CPEB2: variants seen among roughly 807,000 people sequenced by gnomAD.
CPEB2 encodes cytoplasmic polyadenylation element-binding protein 2.
In CPEB2, 56 loss-of-function variants were observed where a neutral mutation model predicts 93.6. The observed-to-expected ratio is 0.60, with a 90% CI of 0.48 to 0.75. The LOEUF (loss-of-function observed/expected upper bound fraction) is 0.75. CPEB2 is among the 30% of genes least tolerant of loss of function. The probability of loss-of-function intolerance (pLI) is 0.00; values close to 1 mark genes in which losing one functional copy is unlikely to be tolerated. For missense variants in CPEB2, 1,579 were observed against 1,395.1 expected (o/e 1.13, Z -2.10); for synonymous variants, 764 against 586.3 (o/e 1.30, Z -4.38).
Position 15,026,366 on chromosome 4 carries a change from A to G in CPEB2, c.2126-6795A>G, listed in dbSNP as rs546497880. Among the ~76,000 whole-genome samples, 3 of 152,068 alleles carry G rather than the reference A, an allele frequency of 2.0e-5. No homozygotes were observed. The East Asian group carries it at 5.8e-4, about 29-fold the overall frequency. Reference sequence around the variant, plus strand: ...CTCAGCTTCCCAAGTAACTGGGACTAGAAGCACATGCCACCACACCCGGCT... The same window carrying G: ...CTCAGCTTCCCAAGTAACTGGGACTGGAAGCACATGCCACCACACCCGGCT... On this transcript the variant is annotated intron_variant, in intron 4 of 11. Transcript: ENST00000538197.
At chr4:15,059,769 C>G (rs1224317473) in intron 10 of CPEB2, among the ~76,000 whole-genome samples, 1 of 151,904 alleles carries the variant, frequency 6.6e-6, no homozygotes, top group Admixed American at 6.6e-5. Flanking sequence ...AAAAACCTAC[C>G]AAAATATGTC....
chr4:15,035,385 A>G (rs1269859408), intron 5 of CPEB2, among the ~76,000 whole-genome samples: 2 of 152,140 alleles, frequency 1.3e-5, no homozygotes, highest in South Asian at 4.1e-4. Flanking sequence ...AGAGATTAGC[A>G]TACTGCCTGA....
Position 15,063,329 on chromosome 4 carries a change from G to GTT in CPEB2, c.2877+1076_2877+1077dup, listed in dbSNP as rs141139959. Among the ~76,000 whole-genome samples, 635 of 150,090 alleles carry GTT rather than the reference G, an allele frequency of 4.2e-3. 3 individuals carry two copies. The highest frequency in any genetic ancestry group is 0.015 in the African/African-American group (612 of 40,424). ...GGTTCAGTTCACAAATGCAGAGTAG[G>GTT]TTTTTTTTGTTTGTTTGCATTGCTA... On this transcript the variant is annotated intron_variant, in intron 11 of 11. Transcript: ENST00000538197.
Position 15,006,923 on chromosome 4 carries a change from G to A in CPEB2, c.1663-382G>A, listed in dbSNP as rs2951814. ...GACCATATTTTTAGTTGTGTGCCTA[G>A]CATAATTAATATGGTTGCTTTAAGA... On this transcript the variant is annotated intron_variant, in intron 1 of 11. Coordinates refer to ENST00000538197, the MANE Select transcript of CPEB2 (RefSeq NM_001177382.2). 7.7e-3 allele frequency among the ~76,000 whole-genome samples: 1,175 copies of A among 152,210 alleles called. 15 individuals carry two copies. Among genetic ancestry groups the A allele is most frequent in the African/African-American group, 0.027 (1,113 of 41,560 alleles).
Position 15,069,583 on chromosome 4 carries a change from T to C in CPEB2, c.*3203T>C, listed in dbSNP as rs1255379118. 1 of 152,180 alleles carries C rather than the reference T, an allele frequency of 6.6e-6. No individual in the cohort carries two copies. The highest frequency in any genetic ancestry group is 1.5e-5 in the Non-Finnish European group (1 of 67,822). 9.4% of individuals were successfully genotyped at this position (152,180 alleles called of 1,614,324 possible). On this transcript the variant is annotated 3_prime_UTR_variant, in exon 12 of 12. Coordinates refer to ENST00000538197, the MANE Select transcript of CPEB2 (RefSeq NM_001177382.2). ...ATATTTCTATTTTGTTTTTTTGGGT[T>C]TTATTTTATTTTAATAGTAGTAAAA...
chr4:15,007,037 G>A (rs1161154637), intron 1 of CPEB2, among the ~76,000 whole-genome samples: 1 of 151,896 alleles, frequency 6.6e-6, no homozygotes, highest in African/African-American at 2.4e-5. Flanking sequence ...ATCTCTGAAG[G>A]ATAAAAAGGA....
chr4:15,002,953 C>A lies in CPEB2; in HGVS notation c.280C>A (p.Gln94Lys). 6.6e-7 allele frequency: 1 copy of A among 1,515,682 alleles called. No individual in the cohort carries two copies. Among genetic ancestry groups the A allele is most frequent in the East Asian group, 2.5e-5 (1 of 40,522 alleles). 93.9% of individuals were successfully genotyped at this position (1,515,682 alleles called of 1,614,324 possible). A position where few individuals can be genotyped will look rare whatever the true frequency, so the allele number is the denominator to read the frequency against. Reference protein sequence around the residue: ...SPFLAHQQTMQDELLLGLTQQ... With the variant: ...SPFLAHQQTMKDELLLGLTQQ... ...GTTCCTGGCGCATCAGCAGACCATG[C>A]AGGATGAGCTGCTTCTGGGGCTGAC... The change falls in exon 1 of 12, where the codon CAG becomes AAG. Residue 94 changes from glutamine to lysine, a missense_variant. Coordinates refer to ENST00000538197, the MANE Select transcript of CPEB2 (RefSeq NM_001177382.2).
Position 15,003,300 on chromosome 4 carries a change from C to T in CPEB2, c.627C>T (p.Ser209=). 1 of 1,438,166 alleles carries T rather than the reference C, an allele frequency of 7.0e-7. No homozygotes were observed. Among genetic ancestry groups the T allele is most frequent in the Non-Finnish European group, 9.0e-7 (1 of 1,109,552 alleles). 89.1% of individuals were successfully genotyped at this position (1,438,166 alleles called of 1,614,324 possible). The change falls in exon 1 of 12, where the codon AGC becomes AGT. Residue 209 remains serine, a synonymous_variant. Transcript: ENST00000538197. ...PPPLHCPGRF[S]PPPPPAGPLL... ...CGCTCCACTGCCCCGGTCGGTTCAGCCCGCCGCCGCCGCCAGCCGGCCCGC... is the reference window on the plus strand; with the variant it reads ...CGCTCCACTGCCCCGGTCGGTTCAGTCCGCCGCCGCCGCCAGCCGGCCCGC...
intron 6 of CPEB2, among the ~76,000 whole-genome samples, chr4:15,042,080 G>GTGA (rs1727238764): frequency 6.6e-6 from 1 of 152,148 alleles, no homozygotes; most frequent in Non-Finnish European, 1.5e-5. Flanking sequence ...TTTAGTAATG[G>GTGA]AGCTTCAGTT....
In CPEB2 at chr4:15,059,318, C is replaced by T. The variant is rs749529184; in HGVS notation, c.2695+17C>T. 6 of 1,492,168 alleles carry T rather than the reference C, an allele frequency of 4.0e-6. No individual in the cohort carries two copies. The highest frequency in any genetic ancestry group is 5.6e-6 in the Non-Finnish European group (6 of 1,076,344). The allele number at this position is 1,492,168 out of a possible 1,614,324, so 92.4% of individuals were successfully genotyped here. On this transcript the variant is annotated intron_variant, in intron 10 of 11. Transcript: ENST00000538197. ...TAAGGGCTGGTAAGTAGAATGTTAA[C>T]AATTTTGTTTAAAAAAATCATTTAA...
At chr4:15,048,822 T>C (rs1727958165) in intron 6 of CPEB2, among the ~76,000 whole-genome samples, 1 of 152,042 alleles carries the variant, frequency 6.6e-6, no homozygotes, top group Non-Finnish European at 1.5e-5. Context: ...GGTATCCTTC[T>C]TAGAAAGCAT....
intron 4 of CPEB2, among the ~76,000 whole-genome samples, chr4:15,026,328 G>A (rs1239206289): frequency 2.0e-5 from 3 of 151,782 alleles, no homozygotes; most frequent in Admixed American, 1.3e-4. Context: ...CTGGGTTCAA[G>A]CGATTGTCCT....
At chr4:15,010,983 G>C (rs1382659104) in intron 3 of CPEB2, among the ~76,000 whole-genome samples, 1 of 151,030 alleles carries the variant, frequency 6.6e-6, no homozygotes, top group East Asian at 1.9e-4. Context: ...TTTTAAATAA[G>C]ATTTTTTAAA....
intron 1 of CPEB2, chr4:15,006,667 A>G (rs573325511): frequency 6.6e-6 from 1 of 152,318 alleles, no homozygotes; most frequent in East Asian, 1.9e-4. Context: ...TTTATGGATA[A>G]TTAAGTGAAA....
At chr4:15,065,695 C>T (rs1013990320) in intron 11 of CPEB2, among the ~76,000 whole-genome samples, 4 of 152,034 alleles carry the variant, frequency 2.6e-5, no homozygotes, top group African/African-American at 4.8e-5. Flanking sequence ...GTAAGATTCT[C>T]CACAGTTCTG....
chr4:15,030,235 T>G (rs751721500), intron 4 of CPEB2, among the ~76,000 whole-genome samples: 6 of 152,098 alleles, frequency 3.9e-5, no homozygotes, highest in Non-Finnish European at 7.4e-5. Flanking sequence ...TTTTAAGAGA[T>G]AAAATTGTCC....
At position 15,036,169 on chromosome 4, in the gene CPEB2, T is replaced by TA. The variant is rs768060984; in HGVS notation, c.2176+2958_2176+2959insA. Reference sequence around the variant, plus strand: ...AAGCATCTGTTAACTCAGATATATATTTTTTAAAAAAGAGGTGTAATACAA... The same window carrying TA: ...AAGCATCTGTTAACTCAGATATATATATTTTTAAAAAAGAGGTGTAATACAA... On this transcript the variant is annotated intron_variant, in intron 5 of 11. Transcript: ENST00000538197. Among the ~76,000 whole-genome samples, 96 of 152,264 alleles carry TA rather than the reference T, an allele frequency of 6.3e-4. 1 individual carries two copies. The highest frequency in any genetic ancestry group is 6.8e-3 in the Middle Eastern group (2 of 294).
intron 4 of CPEB2, among the ~76,000 whole-genome samples, chr4:15,026,043 C>T (rs1725420231): frequency 6.6e-6 from 1 of 152,080 alleles, no homozygotes; most frequent in African/African-American, 2.4e-5. Flanking sequence ...GAGGTGAACA[C>T]GTGTATTCAG....
At chr4:15,030,560 G>A (rs185552326) in intron 4 of CPEB2, among the ~76,000 whole-genome samples, 3 of 152,038 alleles carry the variant, frequency 2.0e-5, no homozygotes, top group Non-Finnish European at 2.9e-5. Flanking sequence ...GGTTTTTAGC[G>A]AAAGTACTTT....
Sources: allele counts gnomAD v4.1 joint callset (sites outside exome capture counted in the v4.1 genomes callset), GRCh38; gene constraint gnomAD v4.1.1; transcripts MANE v1.5; gene names NCBI Gene and HGNC (gene_info 2026-07-23, HGNC 2026-07-21).